Variants in KCNN2 observed in about 807,000 individuals in gnomAD.
KCNN2 encodes potassium calcium-activated channel subfamily N member 2, also known as small conductance calcium-activated potassium channel protein 2.
Under a neutral mutation model 55.5 loss-of-function variants are expected in KCNN2, and 24 were observed. That is an observed-to-expected ratio of 0.43 (90% CI 0.31 to 0.61). The LOEUF is 0.61. Among genes scored for constraint, KCNN2 ranks in the 20% least tolerant of loss-of-function variants. The pLI is 0.08. For synonymous variants in KCNN2, 431 were observed against 336.1 expected, an observed-to-expected ratio of 1.28 and a Z score of -3.09; for missense variants, 754 against 853.6, an observed-to-expected ratio of 0.88 and a Z score of 1.45.
At chr5:114,331,500 C>A (rs1363825581) in intron 2 of KCNN2, among the ~76,000 whole-genome samples, 1 of 151,388 alleles carries the variant, frequency 6.6e-6, no homozygotes, top group Non-Finnish European at 1.5e-5. Flanking sequence ...TTGGATTTTG[C>A]TAACATAGAA....
rs111346831 is a variant in KCNN2 at position 114,408,180 on chromosome 5, A to C, written c.1637+3324A>C. ...TCTCATGTCAGGTAAGTCAGTGGCC[A>C]CCTGTCGACTGGCTTTCTAGCTTTT... On this transcript the variant is annotated intron_variant, in intron 3 of 7. Coordinates refer to ENST00000673685, the MANE Select transcript of KCNN2 (RefSeq NM_021614.4). 7.8e-3 allele frequency among the ~76,000 whole-genome samples: 1,151 copies of C among 146,976 alleles called. 20 individuals carry two copies. The highest frequency in any genetic ancestry group is 0.026 in the African/African-American group (1,052 of 39,910).
chr5:114,297,286 G>A (rs1350891508), intron 2 of KCNN2, among the ~76,000 whole-genome samples: 1 of 152,036 alleles, frequency 6.6e-6, no homozygotes, highest in Non-Finnish European at 1.5e-5. Context: ...CCACTGCACT[G>A]CAGCCTGGGT....
chr5:114,268,131 A>G (rs1755248843), intron 2 of KCNN2, among the ~76,000 whole-genome samples: 1 of 152,226 alleles, frequency 6.6e-6, no homozygotes, highest in Non-Finnish European at 1.5e-5. Flanking sequence ...ACCAAAGCTC[A>G]TGCATTCTGG....
chr5:114,478,373 A>C (rs1057247689), intron 5 of KCNN2, among the ~76,000 whole-genome samples: 1 of 152,188 alleles, frequency 6.6e-6, no homozygotes, highest in African/African-American at 2.4e-5. Context: ...AAGAGTGAAC[A>C]AAACCTCCGA....
intron 2 of KCNN2, among the ~76,000 whole-genome samples, chr5:114,280,682 C>T (rs1434065999): frequency 2.0e-5 from 3 of 152,174 alleles, no homozygotes; most frequent in Admixed American, 1.3e-4. Flanking sequence ...CCTGACACTG[C>T]AGTAGCCTGG....
intron 1 of KCNN2, among the ~76,000 whole-genome samples, chr5:114,158,108 G>T (rs1655406002): frequency 6.6e-6 from 1 of 152,194 alleles, no homozygotes; most frequent in Non-Finnish European, 1.5e-5. Flanking sequence ...TATTGCCTAG[G>T]TTTTCTTCTA....
chr5:114,371,781 C>G (rs1233370876), intron 2 of KCNN2, among the ~76,000 whole-genome samples: 1 of 152,160 alleles, frequency 6.6e-6, no homozygotes, highest in Non-Finnish European at 1.5e-5. Context: ...TCCTTCTGGA[C>G]TTACTCAGTT....
chr5:114,395,183 G>T (rs1421171842), intron 2 of KCNN2, among the ~76,000 whole-genome samples: 1 of 152,190 alleles, frequency 6.6e-6, no homozygotes, highest in Non-Finnish European at 1.5e-5. Context: ...GTGTACACAG[G>T]TTACCTCTTT....
chr5:114,331,955 G>A (rs1001832096), intron 2 of KCNN2, among the ~76,000 whole-genome samples: 1 of 152,008 alleles, frequency 6.6e-6, no homozygotes, highest in African/African-American at 2.4e-5. Flanking sequence ...CTTAAGATGT[G>A]GAGAGTTTAG....
At chr5:114,125,250 C>A (rs908511451) in intron 1 of KCNN2, among the ~76,000 whole-genome samples, 1 of 152,188 alleles carries the variant, frequency 6.6e-6, no homozygotes, top group East Asian at 1.9e-4. Context: ...AGTGTTTACC[C>A]ACCATCTTTA....
Position 114,487,181 on chromosome 5 carries a change from A to G in KCNN2, c.2018+4A>G. 1 of 1,611,950 alleles carries G rather than the reference A, an allele frequency of 6.2e-7. No individual in the cohort carries two copies. The highest frequency in any genetic ancestry group is 2.2e-5 in the East Asian group (1 of 44,716). On this transcript the variant is annotated splice_donor_region_variant and intron_variant, in intron 6 of 7. Coordinates refer to ENST00000673685, the MANE Select transcript of KCNN2 (RefSeq NM_021614.4). ...AATTCCTGCAAGCTATTCATCAGTA[A>G]GTATCATTTTTCATTTTTATCCTGT...
chr5:114,226,882 C>T (rs1393983848), intron 2 of KCNN2, among the ~76,000 whole-genome samples: 1 of 119,950 alleles, frequency 8.3e-6, no homozygotes, highest in Non-Finnish European at 1.6e-5. Flanking sequence ...GCCTGGGCAA[C>T]ACAGCGAGAC....
chr5:114,128,800 A>T (rs1036644305), intron 1 of KCNN2, among the ~76,000 whole-genome samples: 2 of 152,194 alleles, frequency 1.3e-5, no homozygotes, highest in Non-Finnish European at 2.9e-5. Context: ...TCCTAAAGAC[A>T]ATTTCAGTAA....
chr5:114,473,081 G>A lies in KCNN2; in HGVS notation c.1807G>A (p.Ala603Thr). The A allele has an allele frequency of 6.2e-7, 1 of 1,612,104 alleles. No individual in the cohort carries two copies. Among genetic ancestry groups the A allele is most frequent in the Non-Finnish European group, 8.5e-7 (1 of 1,179,010 alleles). The change falls in exon 5 of 8, where the codon GCT becomes ACT. Residue 603 changes from alanine (A) to threonine (T), a missense_variant. Physicochemically the swap from Ala to Thr is moderately conservative, Grantham distance 58. Transcript: ENST00000673685. ...TGCTGGTTGCACAGCCCTGGTGGTA[G>A]CTGTAGTGGCAAGGAAGCTAGAACT... ...MGAGCTALVV[A>T]VVARKLELTK...
At chr5:114,386,457 T>C (rs1398830407) in intron 2 of KCNN2, among the ~76,000 whole-genome samples, 4 of 152,208 alleles carry the variant, frequency 2.6e-5, no homozygotes, top group Admixed American at 6.5e-5. Context: ...CCAGTCTTTC[T>C]ATCACTTCCC....
intron 4 of KCNN2, among the ~76,000 whole-genome samples, chr5:114,471,006 C>T (rs1423382046): frequency 6.6e-6 from 1 of 152,164 alleles, no homozygotes; most frequent in Non-Finnish European, 1.5e-5. Context: ...ACCAGTTACA[C>T]AATAGGGACA....
At chr5:114,352,085 A>G (rs570720193) in intron 2 of KCNN2, among the ~76,000 whole-genome samples, 1 of 151,936 alleles carries the variant, frequency 6.6e-6, no homozygotes, top group South Asian at 2.1e-4. Flanking sequence ...AAGTTAAAAA[A>G]TTTCTAATAC....
chr5:114,114,776 C>A (rs1042432367), intron 1 of KCNN2, among the ~76,000 whole-genome samples: 4 of 152,106 alleles, frequency 2.6e-5, no homozygotes, highest in African/African-American at 4.8e-5. Context: ...TCCTGCCAAG[C>A]ATTAGGCTCT....
At chr5:114,418,175 T>C (rs970408044) in intron 3 of KCNN2, among the ~76,000 whole-genome samples, 2 of 152,252 alleles carry the variant, frequency 1.3e-5, no homozygotes, top group Admixed American at 6.5e-5. Flanking sequence ...ACCTTTATTT[T>C]ATCTGGTTCA....
Sources: allele counts gnomAD v4.1 joint callset (sites outside exome capture counted in the v4.1 genomes callset), GRCh38; gene constraint gnomAD v4.1.1; transcripts MANE v1.5; gene names NCBI Gene and HGNC (gene_info 2026-07-23, HGNC 2026-07-21).